Variants in MS4A7 observed in about 807,000 individuals in gnomAD.
MS4A7 encodes the protein membrane spanning 4-domains A7.
A neutral mutation model predicts 23.5 loss-of-function variants in MS4A7; 21 were observed. That is an observed-to-expected ratio of 0.89 (90% CI 0.63 to 1.29). The LOEUF is 1.29. MS4A7 is among the 50% of genes most tolerant of loss of function. The pLI is 0.00. For synonymous variants in MS4A7, 111 were observed against 107.4 expected (o/e 1.03, Z -0.21); for missense variants, 263 against 274.2 (o/e 0.96, Z 0.29).
intron 4 of MS4A7, among the ~76,000 whole-genome samples, chr11:60,387,916 GA>G (rs1378923491): frequency 6.6e-6 from 1 of 152,184 alleles, no homozygotes; most frequent in African/African-American, 2.4e-5. Flanking sequence ...TACATTTTAG[GA>G]GACAGGATTC....
chr11:60,386,519 G>A (rs2085489673), intron 3 of MS4A7, 198 bp from the exon 4 acceptor site: 1 of 481,604 alleles, frequency 2.1e-6, no homozygotes, highest in Admixed American at 3.8e-5. Flanking sequence ...GCATCTGCAT[G>A]TCATTCAAAG....
Position 60,392,696 on chromosome 11 carries a change from G to A in MS4A7, c.558G>A (p.Val186=). The A allele has an allele frequency of 6.2e-7, 1 of 1,613,636 alleles. No individual in the cohort carries two copies. Among genetic ancestry groups the A allele is most frequent in the Non-Finnish European group, 8.5e-7 (1 of 1,179,778 alleles). ...LTSVSLTGVL[V]VMLIFTVLEL... is the part of the protein sequence containing the mutation. The stretch of plus-strand genomic sequence containing the variant: ...GTCCTGATTTGCAGGGTGTCCTAGT[G>A]GTGATGCTCATCTTCACTGTGCTGG... The change falls in exon 6 of 7, where the codon GTG becomes GTA. Residue 186 remains valine (V), a synonymous_variant. Transcript: ENST00000300184.
chr11:60,388,181 T>G (rs2085511681), intron 4 of MS4A7, among the ~76,000 whole-genome samples: 1 of 152,226 alleles, frequency 6.6e-6, no homozygotes, highest in Non-Finnish European at 1.5e-5. Flanking sequence ...CACATGTTGT[T>G]CTTTGTCCCA....
intron 6 of MS4A7, 69 bp from the exon 7 acceptor site, chr11:60,393,718 A>G: frequency 7.9e-7 from 1 of 1,261,746 alleles, no homozygotes; most frequent in East Asian, 2.4e-5. Flanking sequence ...GGGAAAAGGT[A>G]TTATGAGTTA....
intron 4 of MS4A7, among the ~76,000 whole-genome samples, chr11:60,388,360 A>G (rs141863117): frequency 2.0e-5 from 3 of 152,356 alleles, no homozygotes; most frequent in South Asian, 4.1e-4. Flanking sequence ...CAGATGGATC[A>G]GTGACAGATG....
intron 3 of MS4A7, 144 bp from the exon 4 acceptor site, chr11:60,386,573 A>G: frequency 3.1e-6 from 2 of 641,452 alleles, no homozygotes; most frequent in South Asian, 2.2e-5. Context: ...AGGCCTATCT[A>G]GCAATATAGA....
chr11:60,392,806 G>A lies in MS4A7; in HGVS notation c.648+20G>A, dbSNP rs199807418. ...CCTGGGGTGAGTATGCTGACATGTC[G>A]CCTGATACCTGCTGTGTCTCAGGTC... On this transcript the variant is annotated intron_variant, in intron 6 of 6. Coordinates refer to ENST00000300184, the MANE Select transcript of MS4A7 (RefSeq NM_021201.5). 236 of 1,515,890 alleles carry A rather than the reference G, an allele frequency of 1.6e-4. No individual in the cohort carries two copies. Among genetic ancestry groups the A allele is most frequent in the East Asian group, 6.5e-4 (29 of 44,352 alleles). The allele number at this position is 1,515,890 out of a possible 1,614,324, so 93.9% of individuals were successfully genotyped here. A position where few individuals can be genotyped will look rare whatever the true frequency, so the allele number is the denominator to read the frequency against.
chr11:60,381,723 T>A lies in MS4A7; in HGVS notation c.-13-1406T>A, dbSNP rs909879760. On this transcript the variant is annotated intron_variant, in intron 1 of 6. Transcript: ENST00000300184. ...GCCTCCCCCTATGCTGAGTCCATTA[T>A]ATGTGTCATCTTATCCAACCTGTAC... Among the ~76,000 whole-genome samples, 3 of 152,230 alleles carry A rather than the reference T, an allele frequency of 2.0e-5. No homozygotes were observed. The East Asian group carries it at 5.8e-4, about 29-fold the overall frequency.
intron 3 of MS4A7, chr11:60,386,386 A>G (rs2085487403): frequency 4.1e-6 from 1 of 245,060 alleles, no homozygotes; most frequent in Admixed American, 5.5e-5. Context: ...TCATTGGTCC[A>G]TCTCAACCTC....
rs2085529556 is a variant in MS4A7, at chr11:60,389,597, G to A, written c.546+1G>A. ...TCTCCTGACCAGTGTCAGTTTAACA[G>A]TGAGTAGTTTCAGACTGAATATCCT... On this transcript the variant is annotated splice_donor_variant, in intron 5 of 6. Coordinates refer to ENST00000300184, the MANE Select transcript of MS4A7 (RefSeq NM_021201.5). LOFTEE classifies it high-confidence loss of function. The A allele has an allele frequency of 6.2e-7, 1 of 1,611,446 alleles. No homozygotes were observed. The highest frequency in any genetic ancestry group is 8.5e-7 in the Non-Finnish European group (1 of 1,178,216).
At chr11:60,390,621 T>C (rs2085540521) in intron 5 of MS4A7, among the ~76,000 whole-genome samples, 1 of 152,104 alleles carries the variant, frequency 6.6e-6, no homozygotes, top group Non-Finnish European at 1.5e-5. Context: ...GATAGTGTCA[T>C]CCTGGTGTAG....
chr11:60,393,980 T>A lies in MS4A7; in HGVS notation c.*119T>A. 1.8e-6 allele frequency: 1 copy of A among 563,522 alleles called. No individual in the cohort carries two copies. Among genetic ancestry groups the A allele is most frequent in the South Asian group, 3.7e-5 (1 of 26,890 alleles). The allele number at this position is 563,522 out of a possible 1,614,324, so 34.9% of individuals were successfully genotyped here. A position where few individuals can be genotyped will look rare whatever the true frequency, so the allele number is the denominator to read the frequency against. On this transcript the variant is annotated 3_prime_UTR_variant, in exon 7 of 7. Coordinates refer to ENST00000300184, the MANE Select transcript of MS4A7 (RefSeq NM_021201.5). ...TGAAACAAACTAAAAAAAAAAAAGC[T>A]TTTGTTTTGTATTTGTTTACTATGA... is the stretch of plus-strand genomic sequence containing the variant.
chr11:60,393,904 A>C lies in MS4A7; in HGVS notation c.*43A>C. 3.0e-6 allele frequency: 4 copies of C among 1,333,476 alleles called. No homozygotes were observed. Among genetic ancestry groups the C allele is most frequent in the Non-Finnish European group, 4.2e-6 (4 of 945,526 alleles). The allele number at this position is 1,333,476 out of a possible 1,614,324, so 82.6% of individuals were successfully genotyped here. The stretch of plus-strand genomic sequence containing the variant: ...AGGAAGGAAAAGCAACTCAACACTC[A>C]TGGTCAAGTGTGATTAGACTTTCCT... On this transcript the variant is annotated 3_prime_UTR_variant, in exon 7 of 7. Transcript: ENST00000300184.
Position 60,383,284 on chromosome 11 carries a change from T to G in MS4A7, c.143T>G (p.Leu48Arg), listed in dbSNP as rs1046644360. ...GGGCTGCCAACAGAAACCACCGTTCTTGGGGTAAGTCCACCTCATTATAAG... is the reference window on the plus strand; with the variant it reads ...GGGCTGCCAACAGAAACCACCGTTCGTGGGGTAAGTCCACCTCATTATAAG... Reference protein sequence around the residue: ...QNGLPTETTVLGTVQILCCLL... With the variant: ...QNGLPTETTVRGTVQILCCLL... The change falls in exon 2 of 7, where the codon CTT (leucine) becomes CGT (arginine). Residue 48 changes from leucine to arginine, a missense_variant. Coordinates refer to ENST00000300184, the MANE Select transcript of MS4A7 (RefSeq NM_021201.5). 2.5e-6 allele frequency: 4 copies of G among 1,614,042 alleles called. No individual in the cohort carries two copies. Among genetic ancestry groups the G allele is most frequent in the Non-Finnish European group, 3.4e-6 (4 of 1,180,000 alleles).
chr11:60,381,941 C>T (rs1005490469), intron 1 of MS4A7, among the ~76,000 whole-genome samples: 3 of 152,156 alleles, frequency 2.0e-5, no homozygotes, highest in Non-Finnish European at 4.4e-5. Context: ...GGTGTCATTT[C>T]CAATTTTTAC....
intron 1 of MS4A7, 144 bp from the exon 2 acceptor site, chr11:60,382,985 A>T (rs2085446275): frequency 2.4e-6 from 2 of 820,636 alleles, no homozygotes; most frequent in Non-Finnish European, 3.9e-6. Flanking sequence ...TGCTCCACTG[A>T]TCCCCATGTT....
Position 60,389,503 on chromosome 11 carries a change from A to T in MS4A7, c.453A>T (p.Ser151=). 6.2e-7 allele frequency: 1 copy of T among 1,614,124 alleles called. No homozygotes were observed. Among genetic ancestry groups the T allele is most frequent in the Non-Finnish European group, 8.5e-7 (1 of 1,179,950 alleles). ...ALRTASQHCG[S]EMDYLSSLPY... ...GGACTGCCTCTCAACATTGTGGCTC[A>T]GAAATGGATTATCTATCCTCATTGC... Residue 151 remains serine, a synonymous_variant, in exon 5 of 7, where the codon TCA becomes TCT. Coordinates refer to ENST00000300184, the MANE Select transcript of MS4A7 (RefSeq NM_021201.5).
At chr11:60,389,903 C>T in intron 5 of MS4A7, 1 of 290,646 alleles carries the variant, frequency 3.4e-6, no homozygotes, top group South Asian at 4.4e-5. Context: ...TTGTTGTACT[C>T]ATCACAGGCA....
In MS4A7 at chr11:60,394,375, T is replaced by A. The variant is rs1431845570; in HGVS notation, c.*514T>A. The A allele has an allele frequency of 6.6e-6, 1 of 152,572 alleles. No individual in the cohort carries two copies. The highest frequency in any genetic ancestry group is 1.5e-5 in the Non-Finnish European group (1 of 68,438). 9.5% of individuals were successfully genotyped at this position (152,572 alleles called of 1,614,324 possible). On this transcript the variant is annotated 3_prime_UTR_variant, in exon 7 of 7. Transcript: ENST00000300184. ...CATTAGGTGGAAGACAGCAAAGAGA[T>A]CTTCTCAAGTGCTTAGGATTACCTC...
Sources: allele counts gnomAD v4.1 joint callset (sites outside exome capture counted in the v4.1 genomes callset), GRCh38; gene constraint gnomAD v4.1.1; transcripts MANE v1.5; gene names NCBI Gene and HGNC (gene_info 2026-07-23, HGNC 2026-07-21).